The following SND1 variants were observed in gnomAD, a reference collection of about 807,000 sequenced individuals.
SND1 encodes staphylococcal nuclease domain-containing protein 1.
SND1 carries 38 observed loss-of-function variants against 121.7 expected under a neutral mutation model. The ratio of observed to expected loss-of-function variants is 0.31; its 90% CI spans 0.24 to 0.41. SND1 has a LOEUF of 0.41. SND1 is among the 10% of genes least tolerant of loss of function. The pLI is 1.00. For missense variants in SND1, 868 were observed against 1,184.6 expected, an observed-to-expected ratio of 0.73 and a Z score of 3.92; for synonymous variants, 401 against 447.4, an observed-to-expected ratio of 0.90 and a Z score of 1.31.
chr7:127,824,275 C>T (rs1036359125), intron 11 of SND1, among the ~76,000 whole-genome samples: 1 of 152,192 alleles, frequency 6.6e-6, no homozygotes, highest in African/African-American at 2.4e-5. Context: ...TATTTGTCAT[C>T]TCAGAAAACT....
intron 13 of SND1, among the ~76,000 whole-genome samples, chr7:127,893,372 G>A (rs927326458): frequency 5.3e-5 from 8 of 152,076 alleles, no homozygotes; most frequent in African/African-American, 1.9e-4. Flanking sequence ...TATCATCTAT[G>A]TACATCTTCT....
intron 15 of SND1, among the ~76,000 whole-genome samples, chr7:127,985,987 A>G (rs999854967): frequency 1.6e-4 from 24 of 152,326 alleles, no homozygotes; most frequent in East Asian, 3.9e-4. Context: ...TAGTGGTGGA[A>G]TAAGTGCCAC....
chr7:127,762,281 C>T (rs1797318818), intron 10 of SND1, among the ~76,000 whole-genome samples: 1 of 152,202 alleles, frequency 6.6e-6, no homozygotes, highest in South Asian at 2.1e-4. Context: ...TTTATTTTCT[C>T]ACAGTTTCAG....
At chr7:127,860,459 A>C (rs1799355664) in intron 12 of SND1, among the ~76,000 whole-genome samples, 1 of 152,164 alleles carries the variant, frequency 6.6e-6, no homozygotes, top group Admixed American at 6.5e-5. Context: ...ACTTTACCCA[A>C]ATAGTTAATT....
At chr7:128,018,244 TC>T (rs1803270310) in intron 16 of SND1, among the ~76,000 whole-genome samples, 1 of 152,120 alleles carries the variant, frequency 6.6e-6, no homozygotes, top group Admixed American at 6.5e-5. Flanking sequence ...CAAAGAAAGG[TC>T]ATCGGAGCTG....
intron 1 of SND1, among the ~76,000 whole-genome samples, chr7:127,665,674 T>C (rs1795403217): frequency 6.6e-6 from 1 of 152,130 alleles, no homozygotes; most frequent in Non-Finnish European, 1.5e-5. Context: ...GAGTCTTGCA[T>C]TGGGAAGGAG....
intron 1 of SND1, among the ~76,000 whole-genome samples, chr7:127,673,501 G>A (rs199992702): frequency 1.3e-5 from 2 of 151,976 alleles, no homozygotes; most frequent in Non-Finnish European, 2.9e-5. Flanking sequence ...TAGTAGAGAC[G>A]GGGTTTTGCC....
rs549661462 is a variant in SND1, at chr7:127,699,808, CAT to C, written c.428+857_428+858del. The stretch of plus-strand genomic sequence containing the variant: ...AGTCCCTGCTCTCTTATATGACTGT[CAT>C]AGCTGTAGGAAAGGCTTTAGAGAAA... On this transcript the variant is annotated intron_variant, in intron 4 of 23. Transcript: ENST00000354725. 3.5e-4 allele frequency among the ~76,000 whole-genome samples: 54 copies of C among 152,248 alleles called. No homozygotes were observed. The South Asian group carries it at 5.0e-3, about 14-fold the overall frequency.
intron 11 of SND1, among the ~76,000 whole-genome samples, chr7:127,830,762 A>G (rs1320915205): frequency 6.6e-6 from 1 of 152,134 alleles, no homozygotes; most frequent in Non-Finnish European, 1.5e-5. Flanking sequence ...TGCATTCAGT[A>G]TCTTTTACCT....
rs1014831272 is a variant in SND1 at position 127,665,381 on chromosome 7, GT to G, written c.78+12933del. ...TTTTTGTATTTTTAGTAGAGATGGG[GT>G]TTCACCGTGTTAGCCAGGATAGTGT... On this transcript the variant is annotated intron_variant, in intron 1 of 23. Coordinates refer to ENST00000354725, the MANE Select transcript of SND1 (RefSeq NM_014390.4). 5.3e-5 allele frequency among the ~76,000 whole-genome samples: 8 copies of G among 152,072 alleles called. No individual in the cohort carries two copies. In the South Asian group the frequency reaches 1.0e-3, roughly 20 times the overall value.
intron 12 of SND1, among the ~76,000 whole-genome samples, chr7:127,881,404 G>A (rs1799787397): frequency 6.6e-6 from 1 of 152,062 alleles, no homozygotes; most frequent in African/African-American, 2.4e-5. Context: ...AGGGCAAAGG[G>A]GGAGTTTACC....
chr7:127,962,351 T>A (rs750763991), intron 15 of SND1, among the ~76,000 whole-genome samples: 31 of 152,226 alleles, frequency 2.0e-4, no homozygotes, highest in Non-Finnish European at 3.1e-4. Flanking sequence ...AGGTTCTTTG[T>A]ATATACGTAT....
intron 15 of SND1, among the ~76,000 whole-genome samples, chr7:127,933,999 A>T (rs973642305): frequency 7.9e-5 from 12 of 152,230 alleles, no homozygotes; most frequent in African/African-American, 2.7e-4. Flanking sequence ...GGGAATACAG[A>T]CATGTAAACA....
intron 15 of SND1, among the ~76,000 whole-genome samples, chr7:127,937,460 C>G (rs1801085550): frequency 6.6e-6 from 1 of 151,874 alleles, no homozygotes; most frequent in Admixed American, 6.6e-5. Flanking sequence ...CTCCCTTCTC[C>G]TCTCCCTCTC....
At chr7:127,837,513 A>G (rs1048055534) in intron 11 of SND1, among the ~76,000 whole-genome samples, 3 of 152,240 alleles carry the variant, frequency 2.0e-5, no homozygotes, top group Non-Finnish European at 2.9e-5. Flanking sequence ...TCCATTACAC[A>G]GTACTTGCCT....
At chr7:127,722,479 CA>C (rs1326910509) in intron 10 of SND1, among the ~76,000 whole-genome samples, 3 of 151,796 alleles carry the variant, frequency 2.0e-5, no homozygotes, top group Admixed American at 2.0e-4. Context: ...CCACTGCACC[CA>C]ACTTATCTAC....
chr7:127,812,123 A>T (rs1359444347), intron 11 of SND1, among the ~76,000 whole-genome samples: 3 of 152,352 alleles, frequency 2.0e-5, no homozygotes, highest in African/African-American at 4.8e-5. Context: ...AATGCTTTTA[A>T]TTGCTATGCT....
rs1799590409 is a variant in SND1, at chr7:127,871,697, C to T, written c.1344-16205C>T. On this transcript the variant is annotated intron_variant, in intron 12 of 23. Transcript: ENST00000354725. ...CCAAACTAGAAATGTGTAAGGTATG[C>T]TTAATGCTCATTGAAATGATAAACA... Among the ~76,000 whole-genome samples the T allele has an allele frequency of 2.0e-5, 3 of 152,148 alleles. No homozygotes were observed. The South Asian group carries it at 6.2e-4, about 32-fold the overall frequency.
At chr7:127,955,640 GT>G (rs1801575021) in intron 15 of SND1, among the ~76,000 whole-genome samples, 1 of 152,142 alleles carries the variant, frequency 6.6e-6, no homozygotes, top group South Asian at 2.1e-4. Flanking sequence ...CTGCCCCCCA[GT>G]CCCCTTTCTC....
Sources: allele counts gnomAD v4.1 joint callset (sites outside exome capture counted in the v4.1 genomes callset), GRCh38; gene constraint gnomAD v4.1.1; transcripts MANE v1.5; gene names NCBI Gene and HGNC (gene_info 2026-07-23, HGNC 2026-07-21).